LRFN2: variants seen among roughly 807,000 people sequenced by gnomAD.
LRFN2 encodes leucine-rich repeat and fibronectin type-III domain-containing protein 2.
Under a neutral mutation model 37.3 loss-of-function variants are expected in LRFN2, and 18 were observed. That is an observed-to-expected ratio of 0.48 (90% CI 0.33 to 0.72). The LOEUF (loss-of-function observed/expected upper bound fraction) is 0.72, where lower values mean the gene tolerates loss of function less well. LRFN2 is among the 30% of genes least tolerant of loss of function. The pLI is 0.02. For synonymous variants in LRFN2, 556 were observed against 466.6 expected (o/e 1.19, Z -2.47); for missense variants, 1,006 against 1,060.7 (o/e 0.95, Z 0.72).
intron 2 of LRFN2, among the ~76,000 whole-genome samples, chr6:40,419,891 T>C (rs551453941): frequency 1.3e-5 from 2 of 152,298 alleles, no homozygotes; most frequent in South Asian, 4.2e-4. Flanking sequence ...AAGCAATTCA[T>C]TTACGTTTTA....
At chr6:40,488,887 A>T in intron 1 of LRFN2, among the ~76,000 whole-genome samples, 1 of 152,190 alleles carries the variant, frequency 6.6e-6, no homozygotes, top group Non-Finnish European at 1.5e-5. Flanking sequence ...TAGGAAGTGT[A>T]AAAAGTTAGG....
intron 1 of LRFN2, among the ~76,000 whole-genome samples, chr6:40,493,039 C>G (rs537954349): frequency 6.6e-6 from 1 of 152,092 alleles, no homozygotes; most frequent in South Asian, 2.1e-4. Flanking sequence ...CTCATTTGGA[C>G]AGGGTGGTCA....
intron 1 of LRFN2, among the ~76,000 whole-genome samples, chr6:40,536,574 C>T (rs1766452432): frequency 6.6e-6 from 1 of 152,116 alleles, no homozygotes; most frequent in Non-Finnish European, 1.5e-5. Flanking sequence ...AAGCAGGGAA[C>T]ATGGGAAATG....
At chr6:40,509,570 G>T (rs1167271579) in intron 1 of LRFN2, among the ~76,000 whole-genome samples, 3 of 152,226 alleles carry the variant, frequency 2.0e-5, no homozygotes, top group South Asian at 2.1e-4. Context: ...GGTAAGGGGT[G>T]GGTGCATGCA....
chr6:40,495,313 T>C (rs1032196602), intron 1 of LRFN2, among the ~76,000 whole-genome samples: 1 of 152,214 alleles, frequency 6.6e-6, no homozygotes, highest in Non-Finnish European at 1.5e-5. Context: ...ATTATCTCAC[T>C]GAAAAACATG....
chr6:40,517,806 A>G (rs1007592717), intron 1 of LRFN2, among the ~76,000 whole-genome samples: 10 of 152,186 alleles, frequency 6.6e-5, no homozygotes, highest in East Asian at 3.9e-4. Flanking sequence ...CTGGGGAGAG[A>G]GTTTATGGGA....
rs144887486 is a variant in LRFN2 at position 40,432,335 on chromosome 6, T to C, written c.779A>G (p.Asp260Gly). ...TGGGGAGCCACAGGTTTCCAGGTCA[T>C]CGTCCCGCTCGAGCCTCCGCAGCCA... ...LLWLRRLERD[D>G]DLETCGSPGG... The change falls in exon 2 of 3, where the codon GAT becomes GGT. Residue 260 changes from aspartate to glycine, a missense_variant. Around this residue, in one of 4 missense-constraint regions of LRFN2, gnomAD observed 303 missense variants for 299.8 expected, o/e 1.01. Coordinates refer to ENST00000338305, the MANE Select transcript of LRFN2 (RefSeq NM_020737.3). 36 of 1,614,032 alleles carry C rather than the reference T, an allele frequency of 2.2e-5. No homozygotes were observed. Among genetic ancestry groups the C allele is most frequent in the Non-Finnish European group, 2.9e-5 (34 of 1,180,056 alleles).
intron 2 of LRFN2, among the ~76,000 whole-genome samples, chr6:40,396,856 A>G (rs1762627389): frequency 6.6e-6 from 1 of 152,174 alleles, no homozygotes; most frequent in African/African-American, 2.4e-5. Flanking sequence ...GCCTTTTCTA[A>G]TAACAATAAT....
chr6:40,570,400 T>C (rs924282559), intron 1 of LRFN2, among the ~76,000 whole-genome samples: 5 of 152,162 alleles, frequency 3.3e-5, no homozygotes, highest in African/African-American at 4.8e-5. Context: ...TTTCTTCCAT[T>C]TTACACATGA....
At position 40,433,008 on chromosome 6, in the gene LRFN2, T is replaced by C; in HGVS notation, c.106A>G (p.Thr36Ala). The C allele has an allele frequency of 6.2e-7, 1 of 1,607,578 alleles. No homozygotes were observed. The highest frequency in any genetic ancestry group is 8.5e-7 in the Non-Finnish European group (1 of 1,176,474). ...VCQNLSESLG[T>A]LCPSKGLLFV... ...AGCAGCCCCTTGGAGGGGCACAGGG[T>C]CCCCAGTGACTCAGACAGATTCTGG... The change falls in exon 2 of 3, where the codon ACC (threonine) becomes GCC (alanine). Residue 36 changes from threonine to alanine, a missense_variant. Coordinates refer to ENST00000338305, the MANE Select transcript of LRFN2 (RefSeq NM_020737.3).
chr6:40,507,958 G>GT (rs1765591256), intron 1 of LRFN2, among the ~76,000 whole-genome samples: 1 of 152,142 alleles, frequency 6.6e-6, no homozygotes, highest in South Asian at 2.1e-4. Context: ...TGTCCTCAAG[G>GT]TGGGAGCCTC....
intron 1 of LRFN2, among the ~76,000 whole-genome samples, chr6:40,585,551 G>A (rs988658805): frequency 6.6e-6 from 1 of 152,108 alleles, no homozygotes; most frequent in Non-Finnish European, 1.5e-5. Flanking sequence ...TAAAGCTCCT[G>A]CCAGAGGGCA....
intron 1 of LRFN2, among the ~76,000 whole-genome samples, chr6:40,539,215 G>A (rs576924279): frequency 5.9e-5 from 9 of 152,216 alleles, no homozygotes; most frequent in African/African-American, 1.4e-4. Context: ...TGTTAGCCAC[G>A]GATATCTGGA....
At chr6:40,458,907 C>A (rs1235483126) in intron 1 of LRFN2, among the ~76,000 whole-genome samples, 2 of 152,180 alleles carry the variant, frequency 1.3e-5, no homozygotes, top group Non-Finnish European at 1.5e-5. Flanking sequence ...CAGCTGGCAC[C>A]AACTAGACTG....
In LRFN2 at chr6:40,463,830, C is replaced by T. The variant is rs149390346; in HGVS notation, c.-18-30699G>A. Among the ~76,000 whole-genome samples, 973 of 152,148 alleles carry T rather than the reference C, an allele frequency of 6.4e-3. 1 individual carries two copies. Among genetic ancestry groups the T allele is most frequent in the Middle Eastern group, 0.01 (3 of 294 alleles). ...TAGCTGAGACTACAGGCATGCACCA[C>T]CGTGCCCAGCTAAATTTTTGTATTT... On this transcript the variant is annotated intron_variant, in intron 1 of 2. Transcript: ENST00000338305.
rs776904856 is a variant in LRFN2 at position 40,477,996 on chromosome 6, G to T, written c.-18-44865C>A. Among the ~76,000 whole-genome samples, 7 of 152,156 alleles carry T rather than the reference G, an allele frequency of 4.6e-5. No individual in the cohort carries two copies. In the East Asian group the frequency reaches 1.2e-3, roughly 25 times the overall value. On this transcript the variant is annotated intron_variant, in intron 1 of 2. Coordinates refer to ENST00000338305, the MANE Select transcript of LRFN2 (RefSeq NM_020737.3). ...TAAACCTGTTTGTGGCTTCTCCTCC[G>T]TGTCATAATTAAAGAGACAGTTGAT...
chr6:40,564,730 A>G lies in LRFN2; in HGVS notation c.-19+22211T>C, dbSNP rs73418985. ...AATCTGGGTTCCTTTCCCTTAAATT[A>G]TAATCCTTCAGTGCCTCTCCATTGC... On this transcript the variant is annotated intron_variant, in intron 1 of 2. Coordinates refer to ENST00000338305, the MANE Select transcript of LRFN2 (RefSeq NM_020737.3). Among the ~76,000 whole-genome samples, 1,501 of 152,250 alleles carry G rather than the reference A, an allele frequency of 9.9e-3. 27 individuals carry two copies. The highest frequency in any genetic ancestry group is 0.034 in the African/African-American group (1,419 of 41,548).
intron 2 of LRFN2, among the ~76,000 whole-genome samples, chr6:40,411,173 T>C (rs1762957106): frequency 1.3e-5 from 2 of 152,308 alleles, no homozygotes; most frequent in African/African-American, 4.8e-5. Context: ...CCCCAGAAAT[T>C]GGCTCACTCT....
intron 1 of LRFN2, among the ~76,000 whole-genome samples, chr6:40,526,354 G>A (rs1231241856): frequency 6.6e-6 from 1 of 152,200 alleles, no homozygotes; most frequent in Non-Finnish European, 1.5e-5. Flanking sequence ...TTTCCTTGAA[G>A]AGGCCACAGA....
Sources: gnomAD v4.1 joint callset for allele counts (sites outside exome capture counted in the v4.1 genomes callset) on GRCh38, gnomAD v4.1.1 for gene constraint, gnomAD v4.1.1 regional missense constraint, MANE v1.5 for transcripts, NCBI Gene and HGNC (gene_info 2026-07-23, HGNC 2026-07-21) for gene names.